DPP10: variants seen among roughly 807,000 people sequenced by gnomAD.
DPP10 encodes dipeptidyl peptidase like 10, also known as inactive dipeptidyl peptidase 10.
In DPP10, 33 loss-of-function variants were observed where a neutral mutation model predicts 120.9. That is an observed-to-expected ratio of 0.27 (90% confidence interval 0.21 to 0.37). DPP10 has a LOEUF of 0.37. Ranked by LOEUF, DPP10 falls within the 10% of genes least tolerant of loss-of-function variation. The probability of loss-of-function intolerance (pLI) is 1.00; values close to 1 mark genes in which losing one functional copy is unlikely to be tolerated. For synonymous variants in DPP10, 337 were observed against 326.1 expected, an observed-to-expected ratio of 1.03 and a Z score of -0.36; for missense variants, 816 against 942.8, an observed-to-expected ratio of 0.87 and a Z score of 1.76.
chr2:115,528,685 A>G (rs2078279181), intron 5 of DPP10, among the ~76,000 whole-genome samples: 1 of 152,158 alleles, frequency 6.6e-6, no homozygotes, highest in South Asian at 2.1e-4. Flanking sequence ...TCAGCAATAC[A>G]AAGGAACAAG....
intron 10 of DPP10, among the ~76,000 whole-genome samples, chr2:115,752,409 A>G (rs1235219647): frequency 6.6e-6 from 1 of 152,186 alleles, no homozygotes; most frequent in Non-Finnish European, 1.5e-5. Flanking sequence ...AAACTTTCCA[A>G]TCACCAGTTA....
chr2:115,379,896 G>C (rs2066160421), intron 3 of DPP10, among the ~76,000 whole-genome samples: 1 of 152,160 alleles, frequency 6.6e-6, no homozygotes, highest in Non-Finnish European at 1.5e-5. Context: ...GTTCTAGTTT[G>C]ATTGCACTGT....
intron 1 of DPP10, among the ~76,000 whole-genome samples, chr2:114,528,210 A>G (rs1414458627): frequency 6.6e-6 from 1 of 152,142 alleles, no homozygotes; most frequent in Non-Finnish European, 1.5e-5. Context: ...CAGAGGAGAC[A>G]CTGCCTAAGG....
chr2:115,353,020 A>T (rs1179819543), intron 3 of DPP10, among the ~76,000 whole-genome samples: 1 of 152,102 alleles, frequency 6.6e-6, no homozygotes, highest in Non-Finnish European at 1.5e-5. Context: ...CAAAAAAAAA[A>T]TATAATTATG....
intron 1 of DPP10, among the ~76,000 whole-genome samples, chr2:115,171,097 G>A (rs995693878): frequency 6.6e-6 from 1 of 151,892 alleles, no homozygotes; most frequent in Admixed American, 6.6e-5. Flanking sequence ...ACAGTGGCTC[G>A]TGCCTGTAAT....
intron 5 of DPP10, among the ~76,000 whole-genome samples, chr2:115,608,026 A>C (rs2083819080): frequency 6.6e-6 from 1 of 152,132 alleles, no homozygotes; most frequent in Admixed American, 6.6e-5. Context: ...TTTTCTTTCT[A>C]TGGCCTAAGA....
chr2:115,741,368 A>G (rs557655505), intron 9 of DPP10, among the ~76,000 whole-genome samples: 43 of 152,200 alleles, frequency 2.8e-4, no homozygotes, highest in Non-Finnish European at 4.7e-4. Context: ...AAAAATACTA[A>G]GAGATTTTTA....
chr2:115,250,016 C>T (rs1235505100), intron 1 of DPP10, among the ~76,000 whole-genome samples: 1 of 152,140 alleles, frequency 6.6e-6, no homozygotes, highest in African/African-American at 2.4e-5. Flanking sequence ...TTGGAATGCT[C>T]TTGGCTGTTC....
chr2:114,942,264 T>C (rs1241607344), intron 1 of DPP10, among the ~76,000 whole-genome samples: 1 of 142,208 alleles, frequency 7.0e-6, no homozygotes, highest in African/African-American at 2.7e-5. Flanking sequence ...CAGGGAGAGA[T>C]TCTGTCTCAA....
chr2:114,613,269 G>A (rs1693421307), intron 1 of DPP10, among the ~76,000 whole-genome samples: 2 of 152,212 alleles, frequency 1.3e-5, no homozygotes, highest in South Asian at 4.1e-4. Flanking sequence ...ATTAGGTTAT[G>A]GATATTAAGT....
intron 5 of DPP10, among the ~76,000 whole-genome samples, chr2:115,688,604 A>C (rs1383491589): frequency 6.6e-6 from 1 of 152,176 alleles, no homozygotes; most frequent in Non-Finnish European, 1.5e-5. Context: ...CATAGCTTAG[A>C]GAAAAATAAT....
At chr2:114,626,622 G>C (rs1694536308) in intron 1 of DPP10, among the ~76,000 whole-genome samples, 1 of 152,034 alleles carries the variant, frequency 6.6e-6, no homozygotes. Flanking sequence ...AGCAGATCTA[G>C]TTTGAGAATG....
At chr2:114,662,537 A>T (rs906125279) in intron 1 of DPP10, among the ~76,000 whole-genome samples, 9 of 152,004 alleles carry the variant, frequency 5.9e-5, no homozygotes, top group African/African-American at 2.2e-4. Flanking sequence ...CAACGTCCAG[A>T]GACCCAGCCC....
At chr2:115,653,896 T>C (rs1204270165) in intron 5 of DPP10, among the ~76,000 whole-genome samples, 1 of 151,892 alleles carries the variant, frequency 6.6e-6, no homozygotes, top group Non-Finnish European at 1.5e-5. Context: ...CATGTTTTAT[T>C]GTTGTGAATG....
rs918353279 is a variant in DPP10 at position 114,914,928 on chromosome 2, G to A, written c.61-394311G>A. Among the ~76,000 whole-genome samples the A allele has an allele frequency of 2.0e-5, 3 of 152,100 alleles. No homozygotes were observed. In the East Asian group the frequency reaches 5.8e-4, roughly 29 times the overall value. ...GGGCGGATCATGAGGTCAGGAGATCGAGACCATCCCGGCTAAAACGGTGAA... is the reference window on the plus strand; with the variant it reads ...GGGCGGATCATGAGGTCAGGAGATCAAGACCATCCCGGCTAAAACGGTGAA... On this transcript the variant is annotated intron_variant, in intron 1 of 25. Transcript: ENST00000410059.
chr2:114,796,361 T>A (rs1191375711), intron 1 of DPP10, among the ~76,000 whole-genome samples: 4 of 152,126 alleles, frequency 2.6e-5, no homozygotes, highest in African/African-American at 9.7e-5. Context: ...GTAAACAATG[T>A]CAACTTATGG....
intron 1 of DPP10, among the ~76,000 whole-genome samples, chr2:114,952,144 T>C (rs1398280349): frequency 1.3e-5 from 2 of 152,044 alleles, no homozygotes; most frequent in African/African-American, 2.4e-5. Context: ...AAGATACTTT[T>C]AGTGTTATAA....
Position 115,267,575 on chromosome 2 carries a change from C to G in DPP10, c.61-41664C>G, listed in dbSNP as rs189780695. ...AGCACTGCATCGCTCTCTGTATTCC[C>G]CTCTCCTCTCCTTGCCTACCTCTCT... On this transcript the variant is annotated intron_variant, in intron 1 of 25. Transcript: ENST00000410059. 8.6e-5 allele frequency among the ~76,000 whole-genome samples: 13 copies of G among 151,982 alleles called. No individual in the cohort carries two copies. The East Asian group carries it at 2.5e-3, about 30-fold the overall frequency.
chr2:114,753,245 G>A (rs1480342159), intron 1 of DPP10, among the ~76,000 whole-genome samples: 1 of 152,114 alleles, frequency 6.6e-6, no homozygotes, highest in East Asian at 1.9e-4. Flanking sequence ...TCAATCAATA[G>A]CCCTCCTCCC....
Sources: gnomAD v4.1 joint callset for allele counts (sites outside exome capture counted in the v4.1 genomes callset) on GRCh38, gnomAD v4.1.1 for gene constraint, MANE v1.5 for transcripts, NCBI Gene and HGNC (gene_info 2026-07-23, HGNC 2026-07-21) for gene names.